Variants in TBPL1 observed in about 807,000 individuals in gnomAD.
The protein encoded by TBPL1 is TATA-box binding protein like 1.
A neutral mutation model predicts 22.1 loss-of-function variants in TBPL1; 4 were observed. That is an observed-to-expected ratio of 0.18 (90% confidence interval 0.09 to 0.41). The LOEUF is 0.41. TBPL1 is among the 10% of genes least tolerant of loss of function. The pLI is 1.00. For missense variants in TBPL1, 115 were observed against 222.3 expected (o/e 0.52, Z 3.07); for synonymous variants, 64 against 71.0 (o/e 0.90, Z 0.50).
chr6:133,986,553 C>G (rs1776528571), intron 6 of TBPL1, among the ~76,000 whole-genome samples: 1 of 152,154 alleles, frequency 6.6e-6, no homozygotes, highest in African/African-American at 2.4e-5. Context: ...CTTTGTTTCA[C>G]TCTGCTGTGT....
rs560101185 is a variant in TBPL1 at position 133,964,456 on chromosome 6, T to G, written c.-45+11031T>G. ...GTTTTGTTTTTTTGGGTTTTTTGGG[T>G]TTTTTTTTTTTTGAGATGGAGTCTC... On this transcript the variant is annotated intron_variant, in intron 1 of 6. Transcript: ENST00000237264. 6.1e-5 allele frequency among the ~76,000 whole-genome samples: 8 copies of G among 130,456 alleles called. No homozygotes were observed. The South Asian group carries it at 7.1e-4, about 12-fold the overall frequency. The allele number at this position is 130,456 out of a possible 152,430, so 85.6% of individuals were successfully genotyped here. A position where few individuals can be genotyped will look rare whatever the true frequency, so the allele number is the denominator to read the frequency against.
intron 1 of TBPL1, among the ~76,000 whole-genome samples, chr6:133,964,711 G>A (rs1027111996): frequency 6.6e-6 from 1 of 152,134 alleles, no homozygotes; most frequent in Non-Finnish European, 1.5e-5. Flanking sequence ...GCTTCCCAAA[G>A]TGCTGGGATT....
chr6:133,962,927 G>A (rs1404310775), intron 1 of TBPL1, among the ~76,000 whole-genome samples: 1 of 152,172 alleles, frequency 6.6e-6, no homozygotes, highest in Non-Finnish European at 1.5e-5. Context: ...TATGAGATGG[G>A]GAGAGAATTC....
chr6:133,983,028 G>T, intron 4 of TBPL1, 148 bp downstream of exon 4: 1 of 699,172 alleles, frequency 1.4e-6, no homozygotes, highest in Non-Finnish European at 2.2e-6. Flanking sequence ...CCTTCAGTGT[G>T]AAAATTAGTA....
rs374325763 is a variant in TBPL1, at chr6:133,954,801, C to G, written c.-45+1376C>G. 2.0e-5 allele frequency among the ~76,000 whole-genome samples: 3 copies of G among 152,258 alleles called. No individual in the cohort carries two copies. In the East Asian group the frequency reaches 5.8e-4, roughly 29 times the overall value. ...TTTCCCCAGCCTCCTCTTTACGTACCCTCTGCCCTCAAAATCAGTATCAGA... is the reference window on the plus strand; with the variant it reads ...TTTCCCCAGCCTCCTCTTTACGTACGCTCTGCCCTCAAAATCAGTATCAGA... On this transcript the variant is annotated intron_variant, in intron 1 of 6. Coordinates refer to ENST00000237264, the MANE Select transcript of TBPL1 (RefSeq NM_004865.4).
intron 1 of TBPL1, among the ~76,000 whole-genome samples, chr6:133,962,459 G>A (rs1048552885): frequency 2.0e-5 from 3 of 152,132 alleles, no homozygotes; most frequent in Admixed American, 6.5e-5. Flanking sequence ...AATGAGAGAT[G>A]AAGGATGATT....
intron 1 of TBPL1, among the ~76,000 whole-genome samples, chr6:133,971,579 GTGTTGTTGTTGT>G (rs150184171): frequency 2.0e-5 from 3 of 150,936 alleles, no homozygotes; most frequent in African/African-American, 7.3e-5. Flanking sequence ...CAATACATAG[GTGTTGTTGTTGT>G]TGTTGTTGTT....
rs1776115412 is a variant in TBPL1 at position 133,966,167 on chromosome 6, T to TA, written c.-45+12743dup. ...CATTGCTTTTTAATAACCTCAAGCT[T>TA]ACAGTTAAACTCTGCAGACATTTTA... On this transcript the variant is annotated intron_variant, in intron 1 of 6. Coordinates refer to ENST00000237264, the MANE Select transcript of TBPL1 (RefSeq NM_004865.4). Among the ~76,000 whole-genome samples the TA allele has an allele frequency of 3.3e-5, 5 of 152,252 alleles. No homozygotes were observed. In the South Asian group the frequency reaches 8.3e-4, roughly 25 times the overall value.
At chr6:133,952,217 T>C (rs56011629), upstream of TBPL1, 21,773 of 152,214 alleles carry the variant, frequency 0.14, 2,003 homozygotes, top group African/African-American at 0.27. The surrounding 1 kb of genome is among the most constrained non-coding windows in gnomAD (Gnocchi z 4.5). Context: ...CTCAGGCCAC[T>C]CCCGAGGGAC....
At chr6:133,961,143 C>A (rs1375840991) in intron 1 of TBPL1, among the ~76,000 whole-genome samples, 3 of 152,080 alleles carry the variant, frequency 2.0e-5, no homozygotes, top group African/African-American at 7.2e-5. Context: ...TTATTGCTAT[C>A]GTGAAAGATA....
intron 1 of TBPL1, among the ~76,000 whole-genome samples, chr6:133,972,022 CT>C (rs1776230649): frequency 6.6e-6 from 1 of 152,094 alleles, no homozygotes; most frequent in Non-Finnish European, 1.5e-5. Flanking sequence ...GTGATAACTA[CT>C]ATACAAGTCT....
chr6:133,985,295 AAAATATATATATATATATATAT>A lies in TBPL1; in HGVS notation c.481+626_481+647del, dbSNP rs1203781604. On this transcript the variant is annotated intron_variant, in intron 6 of 6. Transcript: ENST00000237264. ...TCTGTCTAAAAAAAAAAAAAAAAAA[AAAATATATATATATATATATAT>A]ATATATATATATATATATATACACA... is the stretch of plus-strand genomic sequence containing the variant. 1.7e-3 allele frequency among the ~76,000 whole-genome samples: 116 copies of A among 66,420 alleles called. 20 individuals are homozygous for A. Among genetic ancestry groups the A allele is most frequent in the South Asian group, 0.013 (29 of 2,212 alleles). 43.6% of individuals were successfully genotyped at this position (66,420 alleles called of 152,430 possible).
intron 1 of TBPL1, among the ~76,000 whole-genome samples, chr6:133,962,959 A>G (rs1776049938): frequency 6.6e-6 from 1 of 152,230 alleles, no homozygotes. Context: ...TTCAGAATCC[A>G]GGGATAGGAC....
At chr6:133,970,641 C>T (rs1345909872) in intron 1 of TBPL1, among the ~76,000 whole-genome samples, 4 of 151,142 alleles carry the variant, frequency 2.6e-5, no homozygotes, top group African/African-American at 7.3e-5. Context: ...CAGGGTCTCA[C>T]TCTGTCACCC....
rs1390244083 is a variant in TBPL1, at chr6:133,989,901, G to T, written c.*2861G>T. 2 of 152,144 alleles carry T rather than the reference G, an allele frequency of 1.3e-5. No individual in the cohort carries two copies. The highest frequency in any genetic ancestry group is 3.9e-4 in the East Asian group (2 of 5,188). 9.4% of individuals were successfully genotyped at this position (152,144 alleles called of 1,614,324 possible). A position where few individuals can be genotyped will look rare whatever the true frequency, so the allele number is the denominator to read the frequency against. ...TTAAAATTCTTTTTCAAGTTAGGTTGTTCGTGCTTTTAAGTTTTTTGTGTG... is the reference window on the plus strand; with the variant it reads ...TTAAAATTCTTTTTCAAGTTAGGTTTTTCGTGCTTTTAAGTTTTTTGTGTG... On this transcript the variant is annotated 3_prime_UTR_variant, in exon 7 of 7. Transcript: ENST00000237264.
intron 1 of TBPL1, among the ~76,000 whole-genome samples, chr6:133,969,457 G>C (rs753692588): frequency 3.9e-5 from 6 of 151,972 alleles, no homozygotes; most frequent in Non-Finnish European, 8.8e-5. Flanking sequence ...ATAGATAGTA[G>C]GTAGTCATAT....
chr6:133,961,390 G>C (rs1231524261), intron 1 of TBPL1, among the ~76,000 whole-genome samples: 1 of 151,152 alleles, frequency 6.6e-6, no homozygotes, highest in East Asian at 1.9e-4. Context: ...CCTCTGCCGG[G>C]TTGCTCTTCT....
At chr6:133,956,828 T>A (rs558245829) in intron 1 of TBPL1, among the ~76,000 whole-genome samples, 82 of 152,326 alleles carry the variant, frequency 5.4e-4, no homozygotes, top group African/African-American at 1.9e-3. Flanking sequence ...CTGCCTTCAC[T>A]TGAGTAGACA....
Position 133,989,589 on chromosome 6 carries a change from T to C in TBPL1, c.*2549T>C, listed in dbSNP as rs1219346118. The C allele has an allele frequency of 6.6e-6, 1 of 152,190 alleles. No homozygotes were observed. Among genetic ancestry groups the C allele is most frequent in the East Asian group, 1.9e-4 (1 of 5,194 alleles). 9.4% of individuals were successfully genotyped at this position (152,190 alleles called of 1,614,324 possible). ...GATTTGCGTATGAAATACACCATGATAGAATTGAGATCTCCAATCTCCTTT... is the reference window on the plus strand; with the variant it reads ...GATTTGCGTATGAAATACACCATGACAGAATTGAGATCTCCAATCTCCTTT... On this transcript the variant is annotated 3_prime_UTR_variant, in exon 7 of 7. Transcript: ENST00000237264.
Sources: gnomAD v4.1 joint callset for allele counts (sites outside exome capture counted in the v4.1 genomes callset) on GRCh38, gnomAD v4.1.1 for gene constraint, Gnocchi (gnomAD v3.1) non-coding constraint, MANE v1.5 for transcripts, NCBI Gene and HGNC (gene_info 2026-07-23, HGNC 2026-07-21) for gene names.